DYSF: variants seen among roughly 807,000 people sequenced by gnomAD.
The protein encoded by DYSF is dysferlin.
Under a neutral mutation model 274.9 loss-of-function variants are expected in DYSF, and 212 were observed. The ratio of observed to expected loss-of-function variants is 0.77; its 90% CI spans 0.69 to 0.86. The LOEUF (loss-of-function observed/expected upper bound fraction) is 0.86. DYSF is among the 40% of genes least tolerant of loss of function. DYSF has a pLI of 0.00. For synonymous variants in DYSF, 1,091 were observed against 1,078.7 expected (o/e 1.01, Z -0.22); for missense variants, 2,666 against 2,783.2 (o/e 0.96, Z 0.95).
At chr2:71,456,582 C>T (rs1005208608) in intron 1 of DYSF, among the ~76,000 whole-genome samples, 4 of 152,166 alleles carry the variant, frequency 2.6e-5, no homozygotes, top group African/African-American at 9.7e-5. Flanking sequence ...CCATAAAGCC[C>T]CTCCTTTGGT....
chr2:71,514,494 A>G (rs1425916205), intron 7 of DYSF, among the ~76,000 whole-genome samples: 6 of 152,222 alleles, frequency 3.9e-5, no homozygotes, highest in African/African-American at 1.2e-4. Flanking sequence ...TCACAGAATA[A>G]AAGCTATTAA....
intron 1 of DYSF, among the ~76,000 whole-genome samples, chr2:71,458,801 A>T (rs529060818): frequency 6.6e-6 from 1 of 152,128 alleles, no homozygotes; most frequent in South Asian, 2.1e-4. Flanking sequence ...TAATCCTCCC[A>T]ACACCGCTGC....
At chr2:71,620,674 TAGGA>T in intron 41 of DYSF, 65 bp downstream of exon 41, 11 of 1,426,450 alleles carry the variant, frequency 7.7e-6, no homozygotes, top group African/African-American at 1.5e-5. Context: ...GTAGGGGGGT[TAGGA>T]GGGAAATGGG....
intron 32 of DYSF, among the ~76,000 whole-genome samples, chr2:71,596,237 A>G (rs1233354695): frequency 6.6e-6 from 1 of 151,998 alleles, no homozygotes; most frequent in Non-Finnish European, 1.5e-5. Flanking sequence ...GCCTGGGCTG[A>G]TGGGGCTGCT....
At chr2:71,555,447 C>A (rs2091271638) in intron 21 of DYSF, among the ~76,000 whole-genome samples, 1 of 152,124 alleles carries the variant, frequency 6.6e-6, no homozygotes, top group Non-Finnish European at 1.5e-5. Context: ...GGGCCTGTTT[C>A]CCTGGGAGGC....
intron 14 of DYSF, among the ~76,000 whole-genome samples, chr2:71,532,315 G>T (rs2088824417): frequency 6.6e-6 from 1 of 152,194 alleles, no homozygotes; most frequent in Non-Finnish European, 1.5e-5. Context: ...GGGCTGTTAA[G>T]CCAGGGGGCT....
At chr2:71,655,227 T>A (rs1306984729) in intron 42 of DYSF, among the ~76,000 whole-genome samples, 1 of 152,128 alleles carries the variant, frequency 6.6e-6, no homozygotes, top group African/African-American at 2.4e-5. Context: ...ACTAGTTATT[T>A]TTGAGAATTA....
At position 71,611,750 on chromosome 2, in the gene DYSF, C is replaced by G. The variant is rs756863971; in HGVS notation, c.4221+124C>G. 6 of 1,266,226 alleles carry G rather than the reference C, an allele frequency of 4.7e-6. No individual in the cohort carries two copies. In the South Asian group the frequency reaches 5.2e-5, roughly 11 times the overall value. The allele number at this position is 1,266,226 out of a possible 1,614,324, so 78.4% of individuals were successfully genotyped here. A position where few individuals can be genotyped will look rare whatever the true frequency, so the allele number is the denominator to read the frequency against. On this transcript the variant is annotated intron_variant, in intron 38 of 55. Coordinates refer to ENST00000410020, the MANE Select transcript of DYSF (RefSeq NM_001130987.2). ...GATCCAGGGTAGGACCCCTCACTTT[C>G]CTGTGAACATGGGGAGAAATGCTCA...
intron 22 of DYSF, among the ~76,000 whole-genome samples, chr2:71,558,969 G>T (rs2091529606): frequency 6.6e-6 from 1 of 152,148 alleles, no homozygotes; most frequent in South Asian, 2.1e-4. Context: ...GGGCATGGGG[G>T]CCCTGAGCGA....
intron 53 of DYSF, 98 bp from the exon 54 acceptor site, chr2:71,680,903 A>T: frequency 4.3e-6 from 4 of 928,994 alleles, no homozygotes; most frequent in Admixed American, 2.1e-5. Flanking sequence ...TTTTTTTTAA[A>T]TAATGAAGTG....
At chr2:71,663,055 G>A (rs1041465532) in intron 45 of DYSF, among the ~76,000 whole-genome samples, 3 of 152,052 alleles carry the variant, frequency 2.0e-5, no homozygotes, top group Admixed American at 6.6e-5. Flanking sequence ...GCACGCGCGT[G>A]GTGTAGGGAA....
rs1206705189 is a variant in DYSF, at chr2:71,558,987, C to A, written c.2217-2765C>A. ...CATGGGGGCCCTGAGCGAACTCAGG[C>A]CCATAGCTGAACACAGCAGCTCACC... On this transcript the variant is annotated intron_variant, in intron 22 of 55. Coordinates refer to ENST00000410020, the MANE Select transcript of DYSF (RefSeq NM_001130987.2). Among the ~76,000 whole-genome samples the A allele has an allele frequency of 2.0e-5, 3 of 152,138 alleles. No individual in the cohort carries two copies. The East Asian group carries it at 5.8e-4, about 29-fold the overall frequency.
rs564820938 is a variant in DYSF, at chr2:71,683,780, C to T, written c.6321+1103C>T. ...GGCAGACAGGCTGCTTGGGGAACTG[C>T]CCCCAGGTGAGCTCTTTGCTCTGTG... On this transcript the variant is annotated intron_variant, in intron 55 of 55. Coordinates refer to ENST00000410020, the MANE Select transcript of DYSF (RefSeq NM_001130987.2). 6.6e-5 allele frequency among the ~76,000 whole-genome samples: 10 copies of T among 152,342 alleles called. No homozygotes were observed. The South Asian group carries it at 2.1e-3, about 32-fold the overall frequency.
chr2:71,605,071 G>A (rs1251621914), intron 36 of DYSF, among the ~76,000 whole-genome samples: 1 of 152,178 alleles, frequency 6.6e-6, no homozygotes, highest in African/African-American at 2.4e-5. Context: ...CGGGAGATCT[G>A]GGTCCTCGCA....
chr2:71,666,480 G>C (rs1010885099), intron 47 of DYSF, among the ~76,000 whole-genome samples: 4 of 152,190 alleles, frequency 2.6e-5, no homozygotes, highest in Admixed American at 2.0e-4. Flanking sequence ...TGTACATATA[G>C]GTGTGCATGA....
At chr2:71,672,626 G>T (rs961976469) in intron 51 of DYSF, among the ~76,000 whole-genome samples, 1 of 152,194 alleles carries the variant, frequency 6.6e-6, no homozygotes, top group African/African-American at 2.4e-5. Context: ...TGGGACCTGG[G>T]GGGGTTCATT....
intron 52 of DYSF, among the ~76,000 whole-genome samples, chr2:71,677,511 T>A (rs2095241173): frequency 6.6e-6 from 1 of 152,124 alleles, no homozygotes; most frequent in Non-Finnish European, 1.5e-5. Flanking sequence ...TGGTTCAACC[T>A]AATAGCTGAA....
At chr2:71,598,440 T>G in intron 32 of DYSF, 124 bp from the exon 33 acceptor site, 2 of 1,153,140 alleles carry the variant, frequency 1.7e-6, no homozygotes, top group Non-Finnish European at 2.5e-6. Context: ...AGCATGAATG[T>G]TGTTGCTCCA....
At chr2:71,558,719 G>C (rs1305616075) in intron 22 of DYSF, among the ~76,000 whole-genome samples, 1 of 152,168 alleles carries the variant, frequency 6.6e-6, no homozygotes, top group East Asian at 1.9e-4. Flanking sequence ...TCCTGGGGTT[G>C]GAAGAGTGGC....
Sources: gnomAD v4.1 joint callset for allele counts (sites outside exome capture counted in the v4.1 genomes callset) on GRCh38, gnomAD v4.1.1 for gene constraint, MANE v1.5 for transcripts, NCBI Gene and HGNC (gene_info 2026-07-23, HGNC 2026-07-21) for gene names.